The following IL1RAPL1 variants were observed in gnomAD, a reference collection of about 807,000 sequenced individuals.
The protein encoded by IL1RAPL1 is interleukin-1 receptor accessory protein-like 1.
In IL1RAPL1, 3 loss-of-function variants were observed where a neutral mutation model predicts 48.4. The ratio of observed to expected loss-of-function variants is 0.06; its 90% CI spans 0.03 to 0.16. IL1RAPL1 has a LOEUF of 0.16. Among genes scored for constraint, IL1RAPL1 ranks in the 10% least tolerant of loss-of-function variants. The pLI, the probability that IL1RAPL1 is intolerant of heterozygous loss-of-function variation, is 1.00. For synonymous variants in IL1RAPL1, 185 were observed against 187.7 expected, an observed-to-expected ratio of 0.99 and a Z score of 0.12; for missense variants, 349 against 530.6, an observed-to-expected ratio of 0.66 and a Z score of 3.36.
At chrX:29,820,932 T>C (rs1174134512) in intron 6 of IL1RAPL1, among the ~76,000 whole-genome samples, 1 of 112,071 alleles carries the variant, frequency 8.9e-6, no homozygotes, top group Non-Finnish European at 1.9e-5. Context: ...TCTCTCCCTT[T>C]AAAATGTAAG....
At chrX:28,674,267 A>C (rs893581426) in intron 1 of IL1RAPL1, among the ~76,000 whole-genome samples, 2 of 110,424 alleles carry the variant, frequency 1.8e-5, no homozygotes, top group African/African-American at 3.3e-5. Flanking sequence ...AAAAAAACCC[A>C]AAACAACATT....
chrX:29,370,190 C>T (rs1237758725), intron 3 of IL1RAPL1, among the ~76,000 whole-genome samples: 1 of 111,027 alleles, frequency 9.0e-6, no homozygotes, highest in Non-Finnish European at 1.9e-5. Flanking sequence ...ATGTTTTTAT[C>T]TGCTTAATTA....
chrX:29,447,671 TATG>T (rs1307650453), intron 5 of IL1RAPL1, among the ~76,000 whole-genome samples: 1 of 112,283 alleles, frequency 8.9e-6, no homozygotes, highest in African/African-American at 3.2e-5. Flanking sequence ...TATTTTCACT[TATG>T]ATGTCGAAAC....
At chrX:28,727,284 C>T (rs1258067046) in intron 1 of IL1RAPL1, among the ~76,000 whole-genome samples, 2 of 108,711 alleles carry the variant, frequency 1.8e-5, no homozygotes, top group African/African-American at 6.7e-5. Flanking sequence ...GTATTTTATT[C>T]TCTTTGAAGC....
At chrX:28,790,469 G>A (rs1936524020) in intron 2 of IL1RAPL1, among the ~76,000 whole-genome samples, 2 of 112,920 alleles carry the variant, frequency 1.8e-5, no homozygotes, top group African/African-American at 6.4e-5. Context: ...GAAATAGGGA[G>A]CAGCTCTGCT....
chrX:29,012,704 G>A (rs1926152827), intron 2 of IL1RAPL1, among the ~76,000 whole-genome samples: 1 of 111,949 alleles, frequency 8.9e-6, no homozygotes, highest in Non-Finnish European at 1.9e-5. Flanking sequence ...GATGATGCTC[G>A]CTGCAGCAGA....
intron 2 of IL1RAPL1, among the ~76,000 whole-genome samples, chrX:28,892,380 C>T (rs957623666): frequency 1.9e-4 from 21 of 110,291 alleles, no homozygotes; most frequent in African/African-American, 6.9e-4. Context: ...GGGAATTTCA[C>T]AAGGTAATGT....
chrX:28,831,052 G>C lies in IL1RAPL1; in HGVS notation c.82+41627G>C, dbSNP rs201572392. 7.4e-3 allele frequency among the ~76,000 whole-genome samples: 639 copies of C among 86,296 alleles called. 9 individuals carry two copies. The highest frequency in any genetic ancestry group is 0.032 in the East Asian group (66 of 2,084). 74.9% of individuals were successfully genotyped at this position (86,296 alleles called of 115,157 possible). A position where few individuals can be genotyped will look rare whatever the true frequency, so the allele number is the denominator to read the frequency against. ...TGTGTGTGTGTGTGTGTGTGTGTGT[G>C]TGTGTGTGTGTGTGTGTGTGTGTGT... is the stretch of plus-strand genomic sequence containing the variant. On this transcript the variant is annotated intron_variant, in intron 2 of 10. Transcript: ENST00000378993.
intron 2 of IL1RAPL1, among the ~76,000 whole-genome samples, chrX:28,937,398 G>A (rs1031174801): frequency 9.0e-6 from 1 of 111,011 alleles, no homozygotes; most frequent in Non-Finnish European, 1.9e-5. Context: ...CTCCAGTGAG[G>A]TAGAAAATAA....
chrX:29,478,693 C>G (rs1239884566), intron 5 of IL1RAPL1, among the ~76,000 whole-genome samples: 1 of 111,358 alleles, frequency 9.0e-6, no homozygotes, highest in Non-Finnish European at 1.9e-5. Context: ...TTCCAGCCCT[C>G]TTCTCCCAGG....
intron 5 of IL1RAPL1, among the ~76,000 whole-genome samples, chrX:29,407,107 A>G (rs753042984): frequency 1.8e-5 from 2 of 111,818 alleles, no homozygotes; most frequent in South Asian, 7.4e-4. Context: ...AACATATATA[A>G]CCAAAAAGTG....
chrX:29,804,925 A>G (rs1162550022), intron 6 of IL1RAPL1, among the ~76,000 whole-genome samples: 1 of 112,437 alleles, frequency 8.9e-6, no homozygotes, highest in African/African-American at 3.2e-5. Context: ...TCTTAAAAAA[A>G]TAATTAAATA....
At chrX:29,613,990 C>T (rs1924191602) in intron 5 of IL1RAPL1, among the ~76,000 whole-genome samples, 1 of 109,342 alleles carries the variant, frequency 9.1e-6, no homozygotes, top group Non-Finnish European at 1.9e-5. Context: ...GTCTTGATCT[C>T]CTGACCTCGT....
At chrX:29,475,835 T>C (rs1934967278) in intron 5 of IL1RAPL1, among the ~76,000 whole-genome samples, 1 of 98,222 alleles carries the variant, frequency 1.0e-5, no homozygotes, top group East Asian at 2.9e-4. Flanking sequence ...CGTTATGAAG[T>C]TTTTTTTTTT....
chrX:29,925,411 T>TG (rs1932878601), intron 8 of IL1RAPL1, among the ~76,000 whole-genome samples: 2 of 55,845 alleles, frequency 3.6e-5, no homozygotes, highest in Admixed American at 5.6e-4. Flanking sequence ...GTCCCGTAAC[T>TG]GTTTTTTTTT....
At chrX:29,253,830 T>C (rs1418560189) in intron 2 of IL1RAPL1, among the ~76,000 whole-genome samples, 1 of 110,983 alleles carries the variant, frequency 9.0e-6, no homozygotes, top group Non-Finnish European at 1.9e-5. Flanking sequence ...GAACTAAAGG[T>C]GAAACTATAC....
intron 2 of IL1RAPL1, among the ~76,000 whole-genome samples, chrX:28,865,498 C>G: frequency 9.1e-6 from 1 of 110,398 alleles, no homozygotes; most frequent in East Asian, 2.8e-4. Context: ...GAGGCTTTCT[C>G]TATATTCAAA....
At chrX:29,047,525 A>C (rs1343447902) in intron 2 of IL1RAPL1, among the ~76,000 whole-genome samples, 1 of 111,817 alleles carries the variant, frequency 8.9e-6, no homozygotes, top group Non-Finnish European at 1.9e-5. Flanking sequence ...AGATACATTT[A>C]TTATTGGCAT....
intron 2 of IL1RAPL1, among the ~76,000 whole-genome samples, chrX:29,215,164 A>G (rs1341813882): frequency 9.0e-6 from 1 of 110,753 alleles, no homozygotes; most frequent in Non-Finnish European, 1.9e-5. Context: ...CCTGGCCAAC[A>G]TGGCGAAACC....
Sources: allele counts gnomAD v4.1 joint callset (sites outside exome capture counted in the v4.1 genomes callset), GRCh38; gene constraint gnomAD v4.1.1; transcripts MANE v1.5; gene names NCBI Gene and HGNC (gene_info 2026-07-23, HGNC 2026-07-21).